ADPRHL1: variants seen among roughly 807,000 people sequenced by gnomAD.
The protein encoded by ADPRHL1 is inactive ADP-ribosyltransferase ARH2.
Under a neutral mutation model 44.1 loss-of-function variants are expected in ADPRHL1, and 43 were observed. The ratio of observed to expected loss-of-function variants is 0.98; its 90% CI spans 0.76 to 1.26. ADPRHL1 has a LOEUF of 1.26. Ranked by LOEUF, ADPRHL1 falls within the 50% of genes most tolerant of loss-of-function variation. The probability of loss-of-function intolerance (pLI) is 0.00; values close to 1 mark genes in which losing one functional copy is unlikely to be tolerated. For synonymous variants in ADPRHL1, 878 were observed against 1,017.4 expected (o/e 0.86, Z 2.61); for missense variants, 2,022 against 2,496.9 (o/e 0.81, Z 4.05).
chr13:113,410,095 G>A (rs1237327837), intron 7 of ADPRHL1: 8 of 985,248 alleles, frequency 8.1e-6, no homozygotes, highest in Non-Finnish European at 7.2e-6. Context: ...ACATGACCAC[G>A]TAGCCGTGTT....
In ADPRHL1 at chr13:113,422,844, C is replaced by A; in HGVS notation, c.1043G>T (p.Arg348Leu). The A allele has an allele frequency of 1.2e-6, 2 of 1,612,892 alleles. No individual in the cohort carries two copies. Among genetic ancestry groups the A allele is most frequent in the Non-Finnish European group, 1.7e-6 (2 of 1,179,976 alleles). ...GCTTTACTTCTCCTCTGTGGACAGG[C>A]GGTAGAGAGCCGCGCCCAGGTCCTC... ...KLEDLGAALYRLSTEENRKSS... is the reference protein window; with the variant it reads ...KLEDLGAALYLLSTEENRKSS... The change falls in exon 7 of 8, where the codon CGC becomes CTC. Residue 348 changes from arginine to leucine, a missense_variant. Physicochemically the swap from Arg to Leu is moderately radical, Grantham distance 102. Around this residue, in one of 8 missense-constraint regions of ADPRHL1, gnomAD observed 1,221 missense variants for 1,517.8 expected, o/e 0.80. Coordinates refer to ENST00000612156, the MANE Select transcript of ADPRHL1 (RefSeq NM_001394807.1).
intron 2 of ADPRHL1, 143 bp from the exon 3 acceptor site, chr13:113,434,010 G>A: frequency 7.9e-7 from 1 of 1,268,186 alleles, no homozygotes; most frequent in East Asian, 2.8e-5. Flanking sequence ...AGCGAGCCAT[G>A]GGCAGGCCAC....
chr13:113,445,849 A>C (rs2044132318), intron 1 of ADPRHL1, among the ~76,000 whole-genome samples: 1 of 130,458 alleles, frequency 7.7e-6, no homozygotes, highest in Non-Finnish European at 1.6e-5. Context: ...CCCTGGCGAG[A>C]GCATACAGGG....
chr13:113,411,903 G>A (rs2043854768), intron 7 of ADPRHL1, among the ~76,000 whole-genome samples: 1 of 152,218 alleles, frequency 6.6e-6, no homozygotes, highest in Non-Finnish European at 1.5e-5. Context: ...CTGCTGTCCT[G>A]CCATTCCCCT....
chr13:113,435,197 G>C (rs2044042443), intron 2 of ADPRHL1, among the ~76,000 whole-genome samples: 1 of 21,924 alleles, frequency 4.6e-5, no homozygotes, highest in African/African-American at 1.0e-4. Context: ...CCGAGGCGTA[G>C]AGTGAACATA....
chr13:113,419,280 A>ATTTTTTTTTTT (rs33995150), intron 7 of ADPRHL1, among the ~76,000 whole-genome samples: 2 of 106,508 alleles, frequency 1.9e-5, no homozygotes, highest in African/African-American at 3.9e-5. Context: ...TAATTTTTGT[A>ATTTTTTTTTTT]TTTTTTTTTT....
At chr13:113,424,825 CACCT>C (rs2139620421) in intron 5 of ADPRHL1, among the ~76,000 whole-genome samples, 2 of 114,538 alleles carry the variant, frequency 1.7e-5, no homozygotes, top group African/African-American at 3.3e-5. Context: ...CCCATCCATT[CACCT>C]GTCCACCCAT....
intron 7 of ADPRHL1, among the ~76,000 whole-genome samples, chr13:113,417,855 C>T (rs1385331421): frequency 6.6e-6 from 1 of 152,134 alleles, no homozygotes; most frequent in African/African-American, 2.4e-5. Flanking sequence ...CAGTTATTTC[C>T]AACCTAATGG....
intron 7 of ADPRHL1, among the ~76,000 whole-genome samples, chr13:113,420,890 C>G (rs1438553412): frequency 7.4e-6 from 1 of 134,366 alleles, no homozygotes; most frequent in Non-Finnish European, 1.6e-5. Flanking sequence ...ACCCCCGGGA[C>G]CCGCTCACCC....
At chr13:113,408,307 C>A in intron 7 of ADPRHL1, 87 bp from the exon 8 acceptor site, 1 of 1,216,616 alleles carries the variant, frequency 8.2e-7, no homozygotes. Flanking sequence ...GGCAATCCCA[C>A]CTTTTCAGGG....
At chr13:113,431,378 C>G (rs996849993) in intron 3 of ADPRHL1, among the ~76,000 whole-genome samples, 29 of 152,350 alleles carry the variant, frequency 1.9e-4, no homozygotes, top group African/African-American at 6.3e-4. Context: ...GCTGTTGGGC[C>G]ACTCTTGAAG....
intron 7 of ADPRHL1, chr13:113,422,005 A>C (rs959373801): frequency 1.2e-4 from 18 of 152,254 alleles, no homozygotes; most frequent in African/African-American, 4.1e-4. Flanking sequence ...GTCCAAATTT[A>C]TTTTAAACAA....
At position 113,403,415 on chromosome 13, in the gene ADPRHL1, C is replaced by T. The variant is rs2043777398; in HGVS notation, c.5867G>A (p.Ser1956Asn). Residue 1956 changes from serine (S) to asparagine (N), a missense_variant, in exon 8 of 8, where the codon AGC (serine) becomes AAC (asparagine). By Grantham distance (46) the Ser-to-Asn change is conservative. Transcript: ENST00000612156. Reference protein sequence around the residue: ...RAFDLSFRPMSVRASDTSELP... With the variant: ...RAFDLSFRPMNVRASDTSELP... ...CTCAGACGTGTCGCTGGCCCTGACG[C>T]TCATTGGTCTGAAGGACAAATCGAA... is the stretch of plus-strand genomic sequence containing the variant. The T allele has an allele frequency of 8.1e-7, 1 of 1,232,124 alleles. No individual in the cohort carries two copies. The highest frequency in any genetic ancestry group is 3.2e-5 in the East Asian group (1 of 31,704). The allele number at this position is 1,232,124 out of a possible 1,614,324, so 76.3% of individuals were successfully genotyped here.
At chr13:113,440,762 C>CT (rs1314965932) in intron 2 of ADPRHL1, among the ~76,000 whole-genome samples, 7 of 151,840 alleles carry the variant, frequency 4.6e-5, no homozygotes, top group Non-Finnish European at 7.4e-5. Flanking sequence ...GTCTATTTTT[C>CT]TTTTTTAGAA....
Position 113,404,709 on chromosome 13 carries a change from G to A in ADPRHL1, c.4573C>T (p.Gln1525Ter), listed in dbSNP as rs2043793734. 2 of 1,282,624 alleles carry A rather than the reference G, an allele frequency of 1.6e-6. No homozygotes were observed. Among genetic ancestry groups the A allele is most frequent in the African/African-American group, 1.5e-5 (1 of 64,618 alleles). 79.5% of individuals were successfully genotyped at this position (1,282,624 alleles called of 1,614,324 possible). A position where few individuals can be genotyped will look rare whatever the true frequency, so the allele number is the denominator to read the frequency against. The change falls in exon 8 of 8, where the codon CAG (glutamine) becomes TAG (stop). Residue 1525 changes from glutamine (Q) to a stop codon, truncating the protein, a stop_gained. Coordinates refer to ENST00000612156, the MANE Select transcript of ADPRHL1 (RefSeq NM_001394807.1). LOFTEE classifies it low-confidence loss of function (END_TRUNC). ...EAQGQAQEQA[Q>*]GGTQGHSQGQ... ...TGACTGTGTCCCTGGGTCCCACCCT[G>A]AGCCTGTTCCTGTGCCTGCCCCTGG...
intron 2 of ADPRHL1, among the ~76,000 whole-genome samples, chr13:113,442,923 C>A (rs1304415618): frequency 6.6e-6 from 1 of 152,172 alleles, no homozygotes; most frequent in African/African-American, 2.4e-5. Flanking sequence ...CTGCTGCTTG[C>A]CTGCAAGTTT....
At chr13:113,450,748 C>T (rs951085494) in intron 1 of ADPRHL1, among the ~76,000 whole-genome samples, 2 of 152,164 alleles carry the variant, frequency 1.3e-5, no homozygotes, top group Admixed American at 1.3e-4. Context: ...ACTAATTTTT[C>T]ACTAATTTAC....
intron 7 of ADPRHL1, among the ~76,000 whole-genome samples, chr13:113,414,680 T>G (rs1056557403): frequency 1.1e-4 from 12 of 112,964 alleles, no homozygotes; most frequent in Non-Finnish European, 1.9e-4. Flanking sequence ...CTGTTTTCTG[T>G]TTTTTTTTTT....
At chr13:113,425,688 T>C (rs550832835) in intron 4 of ADPRHL1, among the ~76,000 whole-genome samples, 138 of 147,340 alleles carry the variant, frequency 9.4e-4, no homozygotes, top group African/African-American at 3.3e-3. Context: ...TTCTTTCTTT[T>C]TTTTTTTTTT....
Sources: gnomAD v4.1 joint callset for allele counts (sites outside exome capture counted in the v4.1 genomes callset) on GRCh38, gnomAD v4.1.1 for gene constraint, gnomAD v4.1.1 regional missense constraint, MANE v1.5 for transcripts, NCBI Gene and HGNC (gene_info 2026-07-23, HGNC 2026-07-21) for gene names.